The following MEF2D variants were observed in gnomAD, a reference collection of about 807,000 sequenced individuals.
MEF2D encodes the protein myocyte enhancer factor 2D.
A neutral mutation model predicts 59.3 loss-of-function variants in MEF2D; 10 were observed. That is an observed-to-expected ratio of 0.17 (90% CI 0.10 to 0.29). The LOEUF (loss-of-function observed/expected upper bound fraction) is 0.29, where lower values mean the gene tolerates loss of function less well. MEF2D is among the 10% of genes least tolerant of loss of function. MEF2D has a pLI of 1.00. For missense variants in MEF2D, 508 were observed against 699.4 expected, an observed-to-expected ratio of 0.73 and a Z score of 3.09; for synonymous variants, 305 against 295.0, an observed-to-expected ratio of 1.03 and a Z score of -0.35.
chr1:156,473,934 G>A (rs966794673), intron 9 of MEF2D, among the ~76,000 whole-genome samples: 5 of 152,106 alleles, frequency 3.3e-5, no homozygotes, highest in African/African-American at 1.2e-4. Context: ...AACTGACCCT[G>A]ACTGTGCTTT....
Position 156,466,480 on chromosome 1 carries a change from CAGG to C in MEF2D, c.*1162_*1164del, listed in dbSNP as rs1379649547. 1.3e-5 allele frequency: 2 copies of C among 153,034 alleles called. No homozygotes were observed. The highest frequency in any genetic ancestry group is 4.8e-5 in the African/African-American group (2 of 41,382). The allele number at this position is 153,034 out of a possible 1,614,324, so 9.5% of individuals were successfully genotyped here. Reference sequence around the variant, plus strand: ...TGGGGTCAGGAGCAGAAGGAGCTAACAGGAGAAGCTAGGGAGAGGGGCCAAGGA... The same window carrying C: ...TGGGGTCAGGAGCAGAAGGAGCTAACAGAAGCTAGGGAGAGGGGCCAAGGA... On this transcript the variant is annotated 3_prime_UTR_variant, in exon 12 of 12. Transcript: ENST00000348159.
chr1:156,476,602 C>G, intron 7 of MEF2D, 88 bp from the exon 8 acceptor site: 1 of 1,519,326 alleles, frequency 6.6e-7, no homozygotes, highest in Non-Finnish European at 9.0e-7. Context: ...TTCCAGTCAC[C>G]TCTCTGCATA....
chr1:156,477,492 C>T (rs1350193803), intron 6 of MEF2D, among the ~76,000 whole-genome samples: 4 of 152,186 alleles, frequency 2.6e-5, no homozygotes, highest in African/African-American at 7.2e-5. Context: ...TGGAAAGCAG[C>T]CATTGCCTCT....
intron 7 of MEF2D, among the ~76,000 whole-genome samples, 174 bp from the exon 8 acceptor site, chr1:156,476,688 C>T (rs976085866): frequency 5.3e-5 from 8 of 152,178 alleles, no homozygotes; most frequent in Admixed American, 3.9e-4. Context: ...GATGCTCCAT[C>T]CCAATCTCCA....
Position 156,482,523 on chromosome 1 carries a change from C to T in MEF2D, c.172G>A (p.Ala58Thr). The T allele has an allele frequency of 1.2e-6, 2 of 1,614,224 alleles. No individual in the cohort carries two copies. The highest frequency in any genetic ancestry group is 1.7e-6 in the Non-Finnish European group (2 of 1,180,050). Residue 58 changes from alanine to threonine, a missense_variant, in exon 3 of 12, where the codon GCC becomes ACC. Ala to Thr is a moderately conservative substitution (Grantham distance 58). Coordinates refer to ENST00000348159, the MANE Select transcript of MEF2D (RefSeq NM_005920.4). ...FNHSNKLFQY[A>T]STDMDKVLLK... is the part of the protein sequence containing the mutation. The stretch of plus-strand genomic sequence containing the variant: ...AGCACCTTGTCCATGTCGGTGCTGG[C>T]GTACTGGAACAGCTTGTTGGAGTGG...
In MEF2D at chr1:156,469,589, TA is replaced by T. The variant is rs57183071; in HGVS notation, c.1007-570del. Among the ~76,000 whole-genome samples the T allele has an allele frequency of 4.5e-3, 418 of 92,984 alleles. 2 individuals are homozygous for T. The highest frequency in any genetic ancestry group is 0.012 in the African/African-American group (388 of 33,038). 61.0% of individuals were successfully genotyped at this position (92,984 alleles called of 152,430 possible). On this transcript the variant is annotated intron_variant, in intron 9 of 11. Transcript: ENST00000348159. ...TGGTTTTTAAAAATAGTGTTGAACT[TA>T]AAAAAAAAAAAAAAAACAGCTGGGC...
chr1:156,486,204 C>T (rs1672346028), intron 1 of MEF2D, among the ~76,000 whole-genome samples: 2 of 152,184 alleles, frequency 1.3e-5, no homozygotes, highest in African/African-American at 4.8e-5. Context: ...GAGCCCCAAA[C>T]CAGCTCCAGA....
intron 6 of MEF2D, among the ~76,000 whole-genome samples, chr1:156,478,634 G>C (rs6658120): frequency 0.55 from 83,790 of 151,996 alleles, 25,000 homozygotes; most frequent in East Asian, 0.73. Context: ...GAGTTTAAGC[G>C]ATTCTCCTGC....
chr1:156,468,369 A>G lies in MEF2D; in HGVS notation c.1248-70T>C. On this transcript the variant is annotated intron_variant, in intron 10 of 11. Transcript: ENST00000348159. The surrounding 1 kb of genome is among the most constrained non-coding windows in gnomAD (Gnocchi z 4.3). The stretch of plus-strand genomic sequence containing the variant: ...GGGGGTGAGTGACAGAACAAGTGAT[A>G]GGACACCAGACAGAAAGTGAGAGAG... 1 of 1,142,474 alleles carries G rather than the reference A, an allele frequency of 8.8e-7. No individual in the cohort carries two copies. The allele number at this position is 1,142,474 out of a possible 1,614,324, so 70.8% of individuals were successfully genotyped here.
chr1:156,482,738 G>A, intron 2 of MEF2D, 98 bp from the exon 3 acceptor site: 2 of 1,139,592 alleles, frequency 1.8e-6, no homozygotes, highest in Non-Finnish European at 2.6e-6. Flanking sequence ...CTGCCCTCAG[G>A]AGCCCCCATT....
chr1:156,498,650 T>C (rs905445579), intron 1 of MEF2D, among the ~76,000 whole-genome samples: 1 of 139,788 alleles, frequency 7.2e-6, no homozygotes, highest in Non-Finnish European at 1.6e-5. Flanking sequence ...CCTTTACAAA[T>C]GTACATGCAC....
intron 1 of MEF2D, 50 bp downstream of exon 1, chr1:156,500,436 G>A (rs1458460470): frequency 6.6e-6 from 1 of 152,386 alleles, no homozygotes; most frequent in Non-Finnish European, 1.5e-5. Flanking sequence ...TGGACCGGGT[G>A]GGGGAGGGGG....
At chr1:156,489,459 A>G (rs1399176761) in intron 1 of MEF2D, among the ~76,000 whole-genome samples, 3 of 152,172 alleles carry the variant, frequency 2.0e-5, no homozygotes, top group Non-Finnish European at 4.4e-5. Flanking sequence ...AAAAAGAGGC[A>G]GCGAGGCCAG....
chr1:156,483,454 GTC>G (rs1672155079), intron 1 of MEF2D, 24 bp from the exon 2 acceptor site: 2 of 698,160 alleles, frequency 2.9e-6, no homozygotes, highest in Non-Finnish European at 4.9e-6. Context: ...GTCATGAGAG[GTC>G]TCTGAGCCCC....
intron 1 of MEF2D, among the ~76,000 whole-genome samples, chr1:156,497,243 GGACA>G (rs1311210519): frequency 6.6e-6 from 1 of 152,250 alleles, no homozygotes; most frequent in African/African-American, 2.4e-5. Flanking sequence ...TGGGACAGAA[GGACA>G]GACAGTTGGC....
At chr1:156,489,298 AG>A (rs1277243384) in intron 1 of MEF2D, among the ~76,000 whole-genome samples, 1 of 151,900 alleles carries the variant, frequency 6.6e-6, no homozygotes, top group Non-Finnish European at 1.5e-5. Context: ...GCGCTGGGGG[AG>A]GGGGTGACAA....
At chr1:156,478,193 T>G (rs1052699854) in intron 6 of MEF2D, among the ~76,000 whole-genome samples, 2 of 152,160 alleles carry the variant, frequency 1.3e-5, no homozygotes, top group Non-Finnish European at 2.9e-5. Context: ...GGGTGACATA[T>G]TCACCCACCC....
In MEF2D at chr1:156,500,693, G is replaced by T. The variant is rs557097820; in HGVS notation, c.-346C>A. The T allele has an allele frequency of 6.0e-3, 917 of 152,194 alleles. 2 individuals carry two copies. The highest frequency in any genetic ancestry group is 0.01 in the Middle Eastern group (3 of 292). 9.4% of individuals were successfully genotyped at this position (152,194 alleles called of 1,614,324 possible). ...CAGCAGGCGGGCGGCAGGCAAGCGG[G>T]GAACCGGGGCCGAGCGCCTGAGCCG... On this transcript the variant is annotated 5_prime_UTR_variant, in exon 1 of 12. Transcript: ENST00000348159.
At chr1:156,499,657 C>T (rs1423778283) in intron 1 of MEF2D, 2 of 152,262 alleles carry the variant, frequency 1.3e-5, no homozygotes, top group African/African-American at 4.8e-5. Flanking sequence ...CCCTAAACCC[C>T]CGCTCGCAGC....
Sources: allele counts gnomAD v4.1 joint callset (sites outside exome capture counted in the v4.1 genomes callset), GRCh38; gene constraint gnomAD v4.1.1; non-coding constraint Gnocchi (gnomAD v3.1); transcripts MANE v1.5; gene names NCBI Gene and HGNC (gene_info 2026-07-23, HGNC 2026-07-21).